Variants in CCNB3 observed in about 807,000 individuals in gnomAD.
The protein encoded by CCNB3 is G2/mitotic-specific cyclin-B3.
Under a neutral mutation model 68.0 loss-of-function variants are expected in CCNB3, and 12 were observed. The observed-to-expected ratio is 0.18, with a 90% CI of 0.11 to 0.29. The LOEUF (loss-of-function observed/expected upper bound fraction) is 0.29. CCNB3 is among the 10% of genes least tolerant of loss of function. The pLI is 1.00. For synonymous variants in CCNB3, 354 were observed against 388.9 expected (o/e 0.91, Z 1.06); for missense variants, 904 against 993.1 (o/e 0.91, Z 1.21).
At chrX:50,327,997 G>A (rs1557217514) in intron 8 of CCNB3, among the ~76,000 whole-genome samples, 1 of 111,718 alleles carries the variant, frequency 9.0e-6, no homozygotes, top group East Asian at 2.8e-4. Flanking sequence ...GGCTATTGCT[G>A]GCTTTGAAGG....
chrX:50,212,536 G>T (rs1412162883), intron 1 of CCNB3, among the ~76,000 whole-genome samples: 2 of 111,288 alleles, frequency 1.8e-5, no homozygotes, highest in Non-Finnish European at 3.8e-5. Context: ...CATGTAACTT[G>T]TCATTTAAAG....
intron 1 of CCNB3, among the ~76,000 whole-genome samples, chrX:50,279,859 A>G (rs1375775353): frequency 1.1e-5 from 1 of 87,928 alleles, no homozygotes; most frequent in Non-Finnish European, 2.1e-5. Context: ...TAAAATATAT[A>G]TACTATATAT....
intron 8 of CCNB3, among the ~76,000 whole-genome samples, chrX:50,326,761 G>T: frequency 9.0e-6 from 1 of 111,183 alleles, no homozygotes; most frequent in East Asian, 2.8e-4. Context: ...CAGTTCTTTG[G>T]AGCAAAAAGA....
At chrX:50,312,207 A>C (rs1012132723) in intron 6 of CCNB3, among the ~76,000 whole-genome samples, 1 of 111,545 alleles carries the variant, frequency 9.0e-6, no homozygotes, top group East Asian at 2.8e-4. Flanking sequence ...AAGCATTGAC[A>C]TAATTAGGGA....
chrX:50,309,858 C>T lies in CCNB3; in HGVS notation c.1689C>T (p.Phe563=). 8.3e-7 allele frequency: 1 copy of T among 1,210,212 alleles called. No homozygotes were observed. The highest frequency in any genetic ancestry group is 1.1e-6 in the Non-Finnish European group (1 of 894,486). The change falls in exon 6 of 13, where the codon TTC becomes TTT. Residue 563 remains phenylalanine, a synonymous_variant. Coordinates refer to ENST00000376042, the MANE Select transcript of CCNB3 (RefSeq NM_033031.3). ...TGATTGGTGAAGATAAGAATTCTTT[C>T]TTTATGGAGCCAATGTCATTTAGGA... ...QDMIGEDKNS[F]FMEPMSFRKN...
At chrX:50,226,585 C>CAAATATATATAGAATATATCTAT (rs1935820183) in intron 1 of CCNB3, among the ~76,000 whole-genome samples, 133 of 14,008 alleles carry the variant, frequency 9.5e-3, no homozygotes, top group African/African-American at 0.038. Flanking sequence ...AGAATACATA[C>CAAATATATATAGAATATATCTAT]AAATATATAT....
intron 1 of CCNB3, among the ~76,000 whole-genome samples, chrX:50,216,962 A>G (rs1935582131): frequency 9.1e-6 from 1 of 110,122 alleles, no homozygotes; most frequent in South Asian, 3.9e-4. Context: ...ATCCTCCTTT[A>G]TTTTTTGATA....
At chrX:50,332,204 T>C (rs1922630907) in intron 8 of CCNB3, among the ~76,000 whole-genome samples, 1 of 111,467 alleles carries the variant, frequency 9.0e-6, no homozygotes, top group Non-Finnish European at 1.9e-5. Flanking sequence ...TTATATCATT[T>C]ACGAGTCCCC....
chrX:50,222,605 T>G (rs1935689586), intron 1 of CCNB3, among the ~76,000 whole-genome samples: 1 of 111,835 alleles, frequency 8.9e-6, no homozygotes, highest in African/African-American at 3.2e-5. Flanking sequence ...CTCACTCTCT[T>G]CTGGCCTATA....
Position 50,300,886 on chromosome X carries a change from T to C in CCNB3, c.335+5893T>C, listed in dbSNP as rs139342479. Among the ~76,000 whole-genome samples the C allele has an allele frequency of 3.6e-3, 406 of 111,985 alleles. 3 individuals are homozygous for C. Among genetic ancestry groups the C allele is most frequent in the Admixed American group, 0.011 (119 of 10,501 alleles). On this transcript the variant is annotated intron_variant, in intron 5 of 12. Transcript: ENST00000376042. The stretch of plus-strand genomic sequence containing the variant: ...TTCATGCTTCATTTCATTCATTTCG[T>C]CTTCCGTTGCTGATACCCTTTCTTC...
Position 50,294,960 on chromosome X carries a change from G to C in CCNB3, c.302G>C (p.Gly101Ala). The C allele has an allele frequency of 1.7e-6, 2 of 1,207,898 alleles. No individual in the cohort carries two copies. Among genetic ancestry groups the C allele is most frequent in the Non-Finnish European group, 1.1e-6 (1 of 893,757 alleles). ...KKINRNTHAL[G>A]LAKKNKRNLK... The stretch of plus-strand genomic sequence containing the variant: ...ATAAACAGGAACACACATGCTCTTG[G>C]ACTGGCCAAAAAGAATAAGCGGAAT... The change falls in exon 5 of 13, where the codon GGA (glycine) becomes GCA (alanine). Residue 101 changes from glycine (G) to alanine (A), a missense_variant. By Grantham distance (60) the Gly-to-Ala change is moderately conservative (BLOSUM62 0). Coordinates refer to ENST00000376042, the MANE Select transcript of CCNB3 (RefSeq NM_033031.3).
At chrX:50,218,465 T>A (rs1935616120) in intron 1 of CCNB3, among the ~76,000 whole-genome samples, 1 of 111,136 alleles carries the variant, frequency 9.0e-6, no homozygotes, top group African/African-American at 3.3e-5. Context: ...GGGTGTGTGA[T>A]GTTCCCCTCA....
chrX:50,299,141 G>C (rs1557211794), intron 5 of CCNB3, among the ~76,000 whole-genome samples: 1 of 111,365 alleles, frequency 9.0e-6, no homozygotes, highest in Non-Finnish European at 1.9e-5. Context: ...CTTCATTTCT[G>C]CTCTGATCTT....
In CCNB3 at chrX:50,279,433, AAT is replaced by A. The variant is rs1266753549; in HGVS notation, c.-112-5099_-112-5098del. The stretch of plus-strand genomic sequence containing the variant: ...ATATATAAATATATAAATATATATA[AAT>A]ATATATATAAATATATAAATATATA... On this transcript the variant is annotated intron_variant, in intron 1 of 12. Transcript: ENST00000376042. Among the ~76,000 whole-genome samples, 511 of 74,940 alleles carry A rather than the reference AAT, an allele frequency of 6.8e-3. 9 individuals carry two copies. The highest frequency in any genetic ancestry group is 0.029 in the African/African-American group (463 of 15,943). 65.1% of individuals were successfully genotyped at this position (74,940 alleles called of 115,157 possible).
chrX:50,300,944 A>C (rs1297848866), intron 5 of CCNB3, among the ~76,000 whole-genome samples: 1 of 111,339 alleles, frequency 9.0e-6, no homozygotes, highest in Non-Finnish European at 1.9e-5. Context: ...AGGCTTGTGC[A>C]TTCGTCACGT....
intron 8 of CCNB3, among the ~76,000 whole-genome samples, chrX:50,319,885 G>A (rs1398850142): frequency 9.0e-6 from 1 of 110,610 alleles, no homozygotes; most frequent in Non-Finnish European, 1.9e-5. Context: ...TTTTGTTTTA[G>A]CCTAATATAG....
intron 10 of CCNB3, among the ~76,000 whole-genome samples, chrX:50,347,238 T>A (rs782694554): frequency 6.3e-5 from 7 of 110,425 alleles, no homozygotes; most frequent in African/African-American, 2.0e-4. Flanking sequence ...TTTTAAAAAA[T>A]AAGTTTAAAT....
chrX:50,330,521 C>T (rs1358618865), intron 8 of CCNB3, among the ~76,000 whole-genome samples: 1 of 112,024 alleles, frequency 8.9e-6, no homozygotes, highest in African/African-American at 3.2e-5. Context: ...TCACTACCTA[C>T]GTCTTCTTGC....
chrX:50,226,189 A>ATT (rs1935768451), intron 1 of CCNB3, among the ~76,000 whole-genome samples: 2 of 32,066 alleles, frequency 6.2e-5, no homozygotes, highest in Non-Finnish European at 1.3e-4. Flanking sequence ...ATAGATATAT[A>ATT]AATATATATA....
Sources: allele counts gnomAD v4.1 joint callset (sites outside exome capture counted in the v4.1 genomes callset), GRCh38; gene constraint gnomAD v4.1.1; transcripts MANE v1.5; gene names NCBI Gene and HGNC (gene_info 2026-07-23, HGNC 2026-07-21).